DISC1: variants seen among roughly 807,000 people sequenced by gnomAD.
DISC1 encodes the protein disrupted in schizophrenia 1 protein.
A neutral mutation model predicts 84.5 loss-of-function variants in DISC1; 57 were observed. That is an observed-to-expected ratio of 0.67 (90% CI 0.55 to 0.84). DISC1 has a LOEUF of 0.84. DISC1 is among the 40% of genes least tolerant of loss of function. The pLI, the probability that DISC1 is intolerant of heterozygous loss-of-function variation, is 0.00. For synonymous variants in DISC1, 411 were observed against 415.2 expected, an observed-to-expected ratio of 0.99 and a Z score of 0.12; for missense variants, 1,000 against 1,057.8, an observed-to-expected ratio of 0.95 and a Z score of 0.76.
chr1:231,669,079 C>T (rs546233016), intron 1 of DISC1, among the ~76,000 whole-genome samples: 1 of 152,192 alleles, frequency 6.6e-6, no homozygotes, highest in Admixed American at 6.5e-5. Flanking sequence ...AGAAGGAGCC[C>T]TTGTTCTGAT....
chr1:231,933,115 C>CATTA (rs1267460460), intron 9 of DISC1, among the ~76,000 whole-genome samples: 2 of 152,154 alleles, frequency 1.3e-5, no homozygotes, highest in East Asian at 3.8e-4. Context: ...CCATTATTTC[C>CATTA]TTGACTCCTT....
At chr1:232,015,369 T>C (rs1257944155) in intron 11 of DISC1, among the ~76,000 whole-genome samples, 3 of 152,024 alleles carry the variant, frequency 2.0e-5, no homozygotes, top group East Asian at 3.9e-4. Context: ...ACCTTGGAAA[T>C]TCCTTGTCAT....
At chr1:231,976,588 A>C (rs1280086485) in intron 10 of DISC1, among the ~76,000 whole-genome samples, 2 of 152,224 alleles carry the variant, frequency 1.3e-5, no homozygotes, top group Non-Finnish European at 2.9e-5. Flanking sequence ...AGACTATGGA[A>C]TCTTTGGAAG....
chr1:232,039,306 C>T lies in DISC1; in HGVS notation c.*2475C>T, dbSNP rs1670684724. ...CCTCCCAGACACAAGACATCTTAAC[C>T]GTCACTAGCCCAAGTGTTTTGTATT... On this transcript the variant is annotated 3_prime_UTR_variant, in exon 13 of 13. Transcript: ENST00000439617. 1.3e-5 allele frequency: 2 copies of T among 152,178 alleles called. No homozygotes were observed. Among genetic ancestry groups the T allele is most frequent in the South Asian group, 2.1e-4 (1 of 4,822 alleles). 9.4% of individuals were successfully genotyped at this position (152,178 alleles called of 1,614,324 possible). A position where few individuals can be genotyped will look rare whatever the true frequency, so the allele number is the denominator to read the frequency against.
At chr1:232,002,011 T>C (rs1446960161) in intron 10 of DISC1, among the ~76,000 whole-genome samples, 2 of 152,116 alleles carry the variant, frequency 1.3e-5, no homozygotes, top group Admixed American at 6.6e-5. Context: ...GTATGTACAA[T>C]GTACAAAGTC....
intron 9 of DISC1, among the ~76,000 whole-genome samples, chr1:231,944,645 C>T (rs1176974280): frequency 6.6e-6 from 1 of 152,174 alleles, no homozygotes; most frequent in Non-Finnish European, 1.5e-5. Flanking sequence ...CAGTCCCTTT[C>T]CACTCACTTT....
At chr1:231,662,205 G>A (rs2061617934) in intron 1 of DISC1, among the ~76,000 whole-genome samples, 2 of 152,214 alleles carry the variant, frequency 1.3e-5, no homozygotes, top group Non-Finnish European at 2.9e-5. Context: ...CTGTTTGGAG[G>A]TCTCACCCAG....
intron 9 of DISC1, among the ~76,000 whole-genome samples, chr1:231,830,033 C>T (rs564192413): frequency 1.3e-3 from 201 of 152,200 alleles, no homozygotes; most frequent in African/African-American, 4.5e-3. Flanking sequence ...TGGATGTGTA[C>T]GTGCAGGTCA....
At position 231,818,039 on chromosome 1, in the gene DISC1, G is replaced by C. The variant is rs1418151166; in HGVS notation, c.1793-290G>C. 2.0e-5 allele frequency among the ~76,000 whole-genome samples: 3 copies of C among 152,144 alleles called. No individual in the cohort carries two copies. In the East Asian group the frequency reaches 5.8e-4, roughly 29 times the overall value. On this transcript the variant is annotated intron_variant, in intron 8 of 12. Transcript: ENST00000439617. ...CATTGTGGTTTCTCTGGATTCCACTGGGACATTTTTGGGTCATCATACTTT... is the reference window on the plus strand; with the variant it reads ...CATTGTGGTTTCTCTGGATTCCACTCGGACATTTTTGGGTCATCATACTTT...
chr1:232,009,758 G>C lies in DISC1; in HGVS notation c.2307+709G>C. On this transcript the variant is annotated intron_variant, in intron 11 of 12. Transcript: ENST00000439617. This position sits in a 1 kb window ranked among gnomAD's most constrained non-coding sequence, Gnocchi z 4.6. ...CTTTTCCATAAAAAGGCCCTAGGAA[G>C]TTTTTCCTGATTTCAGTGCCATGAC... 1 of 325,420 alleles carries C rather than the reference G, an allele frequency of 3.1e-6. No individual in the cohort carries two copies. The highest frequency in any genetic ancestry group is 4.4e-6 in the Non-Finnish European group (1 of 226,864). 20.2% of individuals were successfully genotyped at this position (325,420 alleles called of 1,614,324 possible). A position where few individuals can be genotyped will look rare whatever the true frequency, so the allele number is the denominator to read the frequency against.
chr1:231,735,333 C>T (rs2072339896), intron 3 of DISC1, among the ~76,000 whole-genome samples: 2 of 152,128 alleles, frequency 1.3e-5, no homozygotes, highest in African/African-American at 4.8e-5. Context: ...TAACCATTCC[C>T]CTAGAATTGG....
chr1:231,958,729 C>A, intron 9 of DISC1, 99 bp from the exon 10 acceptor site: 1 of 1,205,228 alleles, frequency 8.3e-7, no homozygotes, highest in Non-Finnish European at 1.2e-6. Context: ...TTACTAGTGG[C>A]TTGACCTCAA....
intron 9 of DISC1, among the ~76,000 whole-genome samples, chr1:231,934,126 G>A (rs936989619): frequency 1.3e-5 from 2 of 152,206 alleles, no homozygotes; most frequent in African/African-American, 4.8e-5. Flanking sequence ...TGGGAAGAGG[G>A]AGGGAGAATC....
At chr1:231,702,818 A>C (rs1455347078) in intron 3 of DISC1, among the ~76,000 whole-genome samples, 1 of 152,066 alleles carries the variant, frequency 6.6e-6, no homozygotes. Context: ...TCATTGCAAG[A>C]TCTCACACCC....
intron 3 of DISC1, among the ~76,000 whole-genome samples, chr1:231,729,291 G>T (rs1415534284): frequency 3.9e-5 from 6 of 152,082 alleles, no homozygotes; most frequent in Admixed American, 6.5e-5. Flanking sequence ...GAATAGTGCC[G>T]CAATAAACAT....
intron 9 of DISC1, among the ~76,000 whole-genome samples, chr1:231,892,592 A>G (rs1221924854): frequency 6.6e-6 from 1 of 152,148 alleles, no homozygotes; most frequent in Non-Finnish European, 1.5e-5. Context: ...GGAAACAAAT[A>G]AGGTACTAAA....
chr1:231,800,037 C>T, intron 7 of DISC1, 71 bp from the exon 8 acceptor site: 3 of 1,140,360 alleles, frequency 2.6e-6, no homozygotes, highest in Middle Eastern at 2.0e-4. Context: ...AAATCTCTGA[C>T]CTGGCTGTTC....
At position 232,036,910 on chromosome 1, in the gene DISC1, A is replaced by G; in HGVS notation, c.*79A>G. On this transcript the variant is annotated 3_prime_UTR_variant, in exon 13 of 13. Coordinates refer to ENST00000439617, the MANE Select transcript of DISC1 (RefSeq NM_018662.3). Reference sequence around the variant, plus strand: ...TGCTCTTCCCTCCCCCGCCATAGCTAAGATGCCTGAATCAATTACGGAGAT... The same window carrying G: ...TGCTCTTCCCTCCCCCGCCATAGCTGAGATGCCTGAATCAATTACGGAGAT... 1.4e-6 allele frequency: 2 copies of G among 1,398,082 alleles called. No individual in the cohort carries two copies. The allele number at this position is 1,398,082 out of a possible 1,614,324, so 86.6% of individuals were successfully genotyped here.
rs149293252 is a variant in DISC1, at chr1:231,971,648, A to G, written c.2042+12760A>G. Among the ~76,000 whole-genome samples the G allele has an allele frequency of 9.9e-3, 1,505 of 152,316 alleles. 19 individuals carry two copies. Among genetic ancestry groups the G allele is most frequent in the Middle Eastern group, 0.017 (5 of 294 alleles). ...CACTTTAGGTGCTGGGCTGTATCCCATTATATCTGGATGCTGACACCAGGA... is the reference window on the plus strand; with the variant it reads ...CACTTTAGGTGCTGGGCTGTATCCCGTTATATCTGGATGCTGACACCAGGA... On this transcript the variant is annotated intron_variant, in intron 10 of 12. Coordinates refer to ENST00000439617, the MANE Select transcript of DISC1 (RefSeq NM_018662.3).
Sources: allele counts gnomAD v4.1 joint callset (sites outside exome capture counted in the v4.1 genomes callset), GRCh38; gene constraint gnomAD v4.1.1; non-coding constraint Gnocchi (gnomAD v3.1); transcripts MANE v1.5; gene names NCBI Gene and HGNC (gene_info 2026-07-23, HGNC 2026-07-21).